IRF2: variants seen among roughly 807,000 people sequenced by gnomAD.
The protein encoded by IRF2 is interferon regulatory factor 2.
In IRF2, 15 loss-of-function variants were observed where a neutral mutation model predicts 40.6. The observed-to-expected ratio is 0.37, with a 90% confidence interval of 0.25 to 0.57. IRF2 has a LOEUF of 0.57. Among genes scored for constraint, IRF2 ranks in the 20% least tolerant of loss-of-function variants. The pLI, the probability that IRF2 is intolerant of heterozygous loss-of-function variation, is 0.77. For synonymous variants in IRF2, 151 were observed against 165.5 expected, an observed-to-expected ratio of 0.91 and a Z score of 0.67; for missense variants, 317 against 455.7, an observed-to-expected ratio of 0.70 and a Z score of 2.77.
At chr4:184,432,902 T>A (rs1242325087) in intron 1 of IRF2, among the ~76,000 whole-genome samples, 1 of 152,198 alleles carries the variant, frequency 6.6e-6, no homozygotes, top group African/African-American at 2.4e-5. Context: ...CTGAGACTTC[T>A]GACCTCCAGA....
chr4:184,405,819 C>A (rs10006867), intron 6 of IRF2, among the ~76,000 whole-genome samples: 45,658 of 151,862 alleles, frequency 0.3, 7,243 homozygotes, highest in South Asian at 0.41. Flanking sequence ...TAGCCTCACA[C>A]AAAGATGACA....
chr4:184,453,103 TA>T (rs1338590477), intron 1 of IRF2, among the ~76,000 whole-genome samples: 1 of 152,288 alleles, frequency 6.6e-6, no homozygotes, highest in Admixed American at 6.5e-5. Flanking sequence ...TTCTTTTCTG[TA>T]AAAAACAGAC....
chr4:184,416,345 G>GAA (rs143280573), intron 5 of IRF2, among the ~76,000 whole-genome samples: 2 of 94,448 alleles, frequency 2.1e-5, no homozygotes, highest in African/African-American at 7.9e-5. Flanking sequence ...AAAAAAAAAC[G>GAA]AAAAAAAAAA....
In IRF2 at chr4:184,398,983, C is replaced by T. The variant is rs1313341915; in HGVS notation, c.626G>A (p.Ser209Asn). ...GCTCATGCTGACCGGCTGCTCGTCG[C>T]TCTCAGTGGTCACCTCTACAACTTG... is the stretch of plus-strand genomic sequence containing the variant. ...ICQVVEVTTESDEQPVSMSEL... is the reference protein window; with the variant it reads ...ICQVVEVTTENDEQPVSMSEL... Residue 209 changes from serine to asparagine, a missense_variant, in exon 7 of 9, where the codon AGC (serine) becomes AAC (asparagine). Around this residue, in one of 2 missense-constraint regions of IRF2, gnomAD observed 262 missense variants for 334.0 expected, o/e 0.78. Transcript: ENST00000393593. 38 of 1,613,566 alleles carry T rather than the reference C, an allele frequency of 2.4e-5. No homozygotes were observed. The highest frequency in any genetic ancestry group is 3.0e-5 in the Non-Finnish European group (35 of 1,179,888).
chr4:184,425,111 A>C (rs1365851883), intron 2 of IRF2, among the ~76,000 whole-genome samples: 1 of 152,198 alleles, frequency 6.6e-6, no homozygotes, highest in Admixed American at 6.5e-5. Flanking sequence ...CTGAATGCCG[A>C]CTGAAGCAGA....
intron 5 of IRF2, among the ~76,000 whole-genome samples, chr4:184,410,533 T>C (rs1737033528): frequency 6.6e-6 from 1 of 152,192 alleles, no homozygotes; most frequent in Non-Finnish European, 1.5e-5. Context: ...GCGTCCTCAA[T>C]GACCCCTGGT....
intron 1 of IRF2, among the ~76,000 whole-genome samples, chr4:184,440,949 C>T (rs1274981817): frequency 3.3e-5 from 5 of 152,102 alleles, no homozygotes; most frequent in Non-Finnish European, 7.4e-5. Flanking sequence ...ACTAGCTGTG[C>T]GAGGCTGGAG....
At chr4:184,444,425 T>A (rs1257183471) in intron 1 of IRF2, among the ~76,000 whole-genome samples, 2 of 152,188 alleles carry the variant, frequency 1.3e-5, no homozygotes, top group Non-Finnish European at 1.5e-5. Context: ...TGCCTCAGTT[T>A]TCTCCTCTGT....
In IRF2 at chr4:184,413,083, C is replaced by T. The variant is rs764746702; in HGVS notation, c.412-4808G>A. 1.3e-5 allele frequency among the ~76,000 whole-genome samples: 2 copies of T among 152,214 alleles called. No individual in the cohort carries two copies. The highest frequency in any genetic ancestry group is 2.9e-5 in the Non-Finnish European group (2 of 68,034). On this transcript the variant is annotated intron_variant, in intron 5 of 8. Transcript: ENST00000393593. This position sits in a 1 kb window ranked among gnomAD's most constrained non-coding sequence, Gnocchi z 4.2. ...AAAACGCCGGGGCCTCCTCTTTAGG[C>T]CGCTCTTATCTGCATCCTCCGTACC...
At chr4:184,399,321 C>T (rs1019243853) in intron 6 of IRF2, among the ~76,000 whole-genome samples, 3 of 152,206 alleles carry the variant, frequency 2.0e-5, no homozygotes, top group Non-Finnish European at 2.9e-5. Context: ...ATGGCACGCA[C>T]GGTGGCCATG....
At chr4:184,422,946 G>T (rs1185552372) in intron 2 of IRF2, among the ~76,000 whole-genome samples, 3 of 152,130 alleles carry the variant, frequency 2.0e-5, no homozygotes, top group African/African-American at 4.8e-5. Flanking sequence ...TAAACTACAT[G>T]TCACCTTTAC....
At chr4:184,451,758 C>T (rs1419309654) in intron 1 of IRF2, among the ~76,000 whole-genome samples, 1 of 152,188 alleles carries the variant, frequency 6.6e-6, no homozygotes, top group Non-Finnish European at 1.5e-5. Flanking sequence ...GGAAAGTGAA[C>T]ATTGAAGTCC....
In IRF2 at chr4:184,418,738, G is replaced by T. The variant is rs994374555; in HGVS notation, c.188-30C>A. On this transcript the variant is annotated intron_variant, in intron 3 of 8. Transcript: ENST00000393593. ...CAAAAGAGACAAAGATTAAGAAAAA[G>T]AGAGAAAACATTAGATACAGAGGAA... 1.9e-6 allele frequency: 3 copies of T among 1,583,424 alleles called. No homozygotes were observed. In the African/African-American group the frequency reaches 4.0e-5, roughly 21 times the overall value.
In IRF2 at chr4:184,469,881, G is replaced by C. The variant is rs192782482; in HGVS notation, c.-7+4498C>G. Among the ~76,000 whole-genome samples, 11 of 152,234 alleles carry C rather than the reference G, an allele frequency of 7.2e-5. No individual in the cohort carries two copies. The East Asian group carries it at 2.1e-3, about 29-fold the overall frequency. On this transcript the variant is annotated intron_variant, in intron 1 of 8. Transcript: ENST00000393593. ...GGGACAAAGGGGACCTGTGAGCTGTGTTTCCTGCTTGTGTGTTTTCCTTGG... is the reference window on the plus strand; with the variant it reads ...GGGACAAAGGGGACCTGTGAGCTGTCTTTCCTGCTTGTGTGTTTTCCTTGG...
At position 184,398,835 on chromosome 4, in the gene IRF2, G is replaced by A. The variant is rs973672339; in HGVS notation, c.694+80C>T. ...AGGACAGAGGAGGGATGCTCCGTGG[G>A]GTGGTGAGATGGGTGACCCTAGACC... On this transcript the variant is annotated intron_variant, in intron 7 of 8. Transcript: ENST00000393593. 20 of 1,285,168 alleles carry A rather than the reference G, an allele frequency of 1.6e-5. No individual in the cohort carries two copies. The East Asian group carries it at 4.6e-4, about 29-fold the overall frequency. The allele number at this position is 1,285,168 out of a possible 1,614,324, so 79.6% of individuals were successfully genotyped here.
In IRF2 at chr4:184,399,000, T is replaced by C; in HGVS notation, c.609A>G (p.Val203=). 6.2e-7 allele frequency: 1 copy of C among 1,613,772 alleles called. No homozygotes were observed. The highest frequency in any genetic ancestry group is 8.5e-7 in the Non-Finnish European group (1 of 1,179,892). The change falls in exon 7 of 9, where the codon GTA becomes GTG. Residue 203 remains valine (V), a synonymous_variant. Coordinates refer to ENST00000393593, the MANE Select transcript of IRF2 (RefSeq NM_002199.4). ...GCTCGTCGCTCTCAGTGGTCACCTC[T>C]ACAACTTGGCAAATGTCTGGCGGAT... ...VTNPPDICQV[V]EVTTESDEQP...
intron 5 of IRF2, among the ~76,000 whole-genome samples, chr4:184,410,111 C>T (rs1737018746): frequency 6.6e-6 from 1 of 152,120 alleles, no homozygotes; most frequent in Non-Finnish European, 1.5e-5. Flanking sequence ...CAGAATCAAG[C>T]TCCCAGAAGG....
intron 1 of IRF2, among the ~76,000 whole-genome samples, chr4:184,440,506 C>A (rs1738265055): frequency 6.6e-6 from 1 of 152,280 alleles, no homozygotes; most frequent in East Asian, 1.9e-4. Flanking sequence ...CACTTTCCCA[C>A]TACAAACGGG....
At chr4:184,404,240 A>AT (rs1429973474) in intron 6 of IRF2, among the ~76,000 whole-genome samples, 3 of 152,212 alleles carry the variant, frequency 2.0e-5, no homozygotes. Flanking sequence ...ACTAGCAGGC[A>AT]TAAAAAATCA....
Sources: gnomAD v4.1 joint callset for allele counts (sites outside exome capture counted in the v4.1 genomes callset) on GRCh38, gnomAD v4.1.1 for gene constraint, gnomAD v4.1.1 regional missense constraint, Gnocchi (gnomAD v3.1) non-coding constraint, MANE v1.5 for transcripts, NCBI Gene and HGNC (gene_info 2026-07-23, HGNC 2026-07-21) for gene names.